Variants in PTPRK observed in about 807,000 individuals in gnomAD.
The protein encoded by PTPRK is receptor-type tyrosine-protein phosphatase kappa.
In PTPRK, 75 loss-of-function variants were observed where a neutral mutation model predicts 178.0. The observed-to-expected ratio is 0.42, with a 90% CI of 0.35 to 0.51. PTPRK has a LOEUF of 0.51. Among genes scored for constraint, PTPRK ranks in the 20% least tolerant of loss-of-function variants. PTPRK has a pLI of 0.02. For missense variants in PTPRK, 1,441 were observed against 1,797.8 expected (o/e 0.80, Z 3.59); for synonymous variants, 637 against 620.6 (o/e 1.03, Z -0.39).
At chr6:128,132,260 C>T (rs1162052462) in intron 7 of PTPRK, among the ~76,000 whole-genome samples, 4 of 152,160 alleles carry the variant, frequency 2.6e-5, no homozygotes, top group Non-Finnish European at 4.4e-5. Flanking sequence ...CTGCAAACTC[C>T]GCCTGCCGGG....
At chr6:128,052,083 C>T (rs1779108356) in intron 13 of PTPRK, among the ~76,000 whole-genome samples, 1 of 152,142 alleles carries the variant, frequency 6.6e-6, no homozygotes, top group Non-Finnish European at 1.5e-5. Context: ...AATGTAATCA[C>T]TCATCTGCTC....
chr6:128,277,507 A>G (rs1291798594), intron 3 of PTPRK, among the ~76,000 whole-genome samples: 1 of 152,170 alleles, frequency 6.6e-6, no homozygotes, highest in African/African-American at 2.4e-5. Flanking sequence ...CTCTAATGCA[A>G]TATGTGACCT....
chr6:128,382,195 T>C (rs1475703691), intron 2 of PTPRK, among the ~76,000 whole-genome samples: 2 of 146,844 alleles, frequency 1.4e-5, no homozygotes, highest in Non-Finnish European at 3.0e-5. Context: ...ATTTCAATAA[T>C]GTTGAAAGTA....
At chr6:128,317,147 A>G (rs1052284015) in intron 3 of PTPRK, among the ~76,000 whole-genome samples, 2 of 152,214 alleles carry the variant, frequency 1.3e-5, no homozygotes, top group African/African-American at 4.8e-5. Flanking sequence ...TGATACAGCT[A>G]AAGACCAAAC....
At chr6:128,128,490 A>G (rs143534649) in intron 7 of PTPRK, among the ~76,000 whole-genome samples, 113 of 152,056 alleles carry the variant, frequency 7.4e-4, no homozygotes, top group African/African-American at 2.5e-3. Flanking sequence ...CTTGATTCCC[A>G]GAACACTTTG....
rs529717695 is a variant in PTPRK at position 128,097,144 on chromosome 6, T to C, written c.1163-7152A>G. 2.6e-5 allele frequency among the ~76,000 whole-genome samples: 4 copies of C among 152,306 alleles called. 1 individual carries two copies. The South Asian group carries it at 8.3e-4, about 32-fold the overall frequency. ...AGATGACTTGATTAGTACTGTAACG[T>C]GAGGGAGCCTCAGGTCCAGGAATAA... On this transcript the variant is annotated intron_variant, in intron 7 of 29. Transcript: ENST00000368226.
At chr6:127,991,867 T>C (rs559441684) in intron 19 of PTPRK, among the ~76,000 whole-genome samples, 1 of 151,872 alleles carries the variant, frequency 6.6e-6, no homozygotes, top group African/African-American at 2.4e-5. Context: ...TGCAAAAGCA[T>C]GTGCTGGGCT....
chr6:128,171,017 T>C (rs140062361), intron 7 of PTPRK, among the ~76,000 whole-genome samples: 1 of 152,102 alleles, frequency 6.6e-6, no homozygotes, highest in African/African-American at 2.4e-5. Context: ...AAAAGCTTCC[T>C]TCAGTTTCAC....
chr6:128,106,056 G>A (rs1390893181), intron 7 of PTPRK, among the ~76,000 whole-genome samples: 3 of 152,148 alleles, frequency 2.0e-5, no homozygotes, highest in Non-Finnish European at 2.9e-5. Context: ...CTTAGTGCAA[G>A]TTACTTAACA....
In PTPRK at chr6:128,461,231, C is replaced by CGTGTGTGTGTGT. The variant is rs144928884; in HGVS notation, c.100+59016_100+59027dup. Among the ~76,000 whole-genome samples the CGTGTGTGTGTGT allele has an allele frequency of 3.7e-3, 543 of 147,066 alleles. 1 individual carries two copies. The highest frequency in any genetic ancestry group is 7.1e-3 in the African/African-American group (288 of 40,302). ...AAAAATGTTTTATCTTTTGTTATTCCGTGTGTGTGTGTGTGTGTGTGTGTG... is the reference window on the plus strand; with the variant it reads ...AAAAATGTTTTATCTTTTGTTATTCCGTGTGTGTGTGTGTGTGTGTGTGTGTGTGTGTGTGTG... On this transcript the variant is annotated intron_variant, in intron 1 of 29. Coordinates refer to ENST00000368226, the MANE Select transcript of PTPRK (RefSeq NM_002844.4).
chr6:128,301,374 A>T lies in PTPRK; in HGVS notation c.495+20665T>A, dbSNP rs184643495. ...TGATAATTTTTCAATACTCTCTTTT[A>T]AAAAAAAATAATAGGTAAAAGTATG... On this transcript the variant is annotated intron_variant, in intron 3 of 29. Transcript: ENST00000368226. Among the ~76,000 whole-genome samples the T allele has an allele frequency of 6.0e-3, 904 of 151,468 alleles. 11 individuals carry two copies. The highest frequency in any genetic ancestry group is 0.021 in the African/African-American group (865 of 41,382).
At chr6:128,422,334 T>C (rs542672679) in intron 1 of PTPRK, among the ~76,000 whole-genome samples, 3 of 152,122 alleles carry the variant, frequency 2.0e-5, no homozygotes, top group East Asian at 3.9e-4. Flanking sequence ...GGAAACTCAA[T>C]GGTCATACTA....
At chr6:128,197,436 A>G (rs976727916) in intron 6 of PTPRK, among the ~76,000 whole-genome samples, 2 of 152,134 alleles carry the variant, frequency 1.3e-5, no homozygotes, top group African/African-American at 2.4e-5. Context: ...TACTAGATGT[A>G]TCATTACTAT....
Position 128,013,199 on chromosome 6 carries a change from T to A in PTPRK, c.2195-3931A>T, listed in dbSNP as rs191784271. ...GGGTACCTCCTAGTTTTCTGAGGAC[T>A]CTGGTCTCTCCTTTCCAGATTTTTG... On this transcript the variant is annotated intron_variant, in intron 13 of 29. Transcript: ENST00000368226. Among the ~76,000 whole-genome samples, 217 of 151,566 alleles carry A rather than the reference T, an allele frequency of 1.4e-3. 2 individuals carry two copies. In the East Asian group the frequency reaches 0.018, roughly 13 times the overall value.
chr6:128,052,730 T>A (rs1779228519), intron 13 of PTPRK, among the ~76,000 whole-genome samples: 1 of 152,168 alleles, frequency 6.6e-6, no homozygotes, highest in Non-Finnish European at 1.5e-5. Context: ...AATTATTAAG[T>A]TTTTGGGAGC....
chr6:128,089,584 T>C, intron 8 of PTPRK, 106 bp downstream of exon 8: 2 of 1,208,818 alleles, frequency 1.7e-6, no homozygotes, highest in South Asian at 1.4e-5. Flanking sequence ...ATTTAGATGA[T>C]TTCAGAATCC....
Position 128,300,604 on chromosome 6 carries a change from G to T in PTPRK, c.495+21435C>A, listed in dbSNP as rs903744929. Among the ~76,000 whole-genome samples, 5 of 149,198 alleles carry T rather than the reference G, an allele frequency of 3.4e-5. No individual in the cohort carries two copies. In the East Asian group the frequency reaches 1.0e-3, roughly 30 times the overall value. ...AAATCATCATTCTCAGTAAACTATC[G>T]CAAGAACAAAAAACCAAACACTGCA... On this transcript the variant is annotated intron_variant, in intron 3 of 29. Transcript: ENST00000368226.
intron 6 of PTPRK, among the ~76,000 whole-genome samples, chr6:128,195,942 AC>A (rs1454696341): frequency 6.6e-6 from 1 of 152,152 alleles, no homozygotes; most frequent in Non-Finnish European, 1.5e-5. Flanking sequence ...TAAACAAAAA[AC>A]AATCATGTGT....
intron 3 of PTPRK, among the ~76,000 whole-genome samples, chr6:128,286,261 C>T (rs143615952): frequency 1.1e-3 from 165 of 152,170 alleles, no homozygotes; most frequent in Non-Finnish European, 1.8e-3. Context: ...TCGAACTGTG[C>T]GTTTATAGTT....
Sources: allele counts gnomAD v4.1 joint callset (sites outside exome capture counted in the v4.1 genomes callset), GRCh38; gene constraint gnomAD v4.1.1; transcripts MANE v1.5; gene names NCBI Gene and HGNC (gene_info 2026-07-23, HGNC 2026-07-21).